The following SP1 variants were observed in gnomAD, a reference collection of about 807,000 sequenced individuals.
SP1 encodes the protein Sp1 transcription factor, also known as transcription factor Sp1.
SP1 carries 6 observed loss-of-function variants against 66.3 expected under a neutral mutation model. The ratio of observed to expected loss-of-function variants is 0.09; its 90% confidence interval spans 0.05 to 0.18. The LOEUF is 0.18. Among genes scored for constraint, SP1 ranks in the 10% least tolerant of loss-of-function variants. SP1 has a pLI of 1.00. For missense variants in SP1, 848 were observed against 964.5 expected (o/e 0.88, Z 1.60); for synonymous variants, 417 against 360.8 (o/e 1.16, Z -1.77).
intron 3 of SP1, among the ~76,000 whole-genome samples, chr12:53,395,830 A>C (rs1254882484): frequency 6.6e-6 from 1 of 150,998 alleles, no homozygotes; most frequent in Non-Finnish European, 1.5e-5. Flanking sequence ...AAAAAAAATT[A>C]ACTGGGCGTA....
rs1428503862 is a variant in SP1 at position 53,383,261 on chromosome 12, C to T, written c.1314C>T (p.Leu438=). Residue 438 remains leucine, a synonymous_variant, in exon 3 of 6, where the codon CTC becomes CTT. Coordinates refer to ENST00000327443, the MANE Select transcript of SP1 (RefSeq NM_138473.3). ...TCTCCCAGGAAACCCTCCAGAACCT[C>T]CAGCTTCAGGCTGTTCCAAACTCTG... The part of the protein sequence containing the change: ...QAISQETLQN[L]QLQAVPNSGP... 6.2e-7 allele frequency: 1 copy of T among 1,614,110 alleles called. No individual in the cohort carries two copies. Among genetic ancestry groups the T allele is most frequent in the African/African-American group, 1.3e-5 (1 of 74,928 alleles).
chr12:53,381,818 G>T lies in SP1; in HGVS notation c.162+5G>T. ...AGCACTGGAGGAGGAGGGCAGGTAAGTGATAATCATAGAGTGGGGAAGGTG... is the reference window on the plus strand; with the variant it reads ...AGCACTGGAGGAGGAGGGCAGGTAATTGATAATCATAGAGTGGGGAAGGTG... On this transcript the variant is annotated splice_donor_5th_base_variant and intron_variant, in intron 2 of 5. Transcript: ENST00000327443. 6.2e-7 allele frequency: 1 copy of T among 1,610,626 alleles called. No individual in the cohort carries two copies. The highest frequency in any genetic ancestry group is 1.1e-5 in the South Asian group (1 of 90,490).
intron 3 of SP1, among the ~76,000 whole-genome samples, chr12:53,386,860 A>T (rs1938240618): frequency 6.6e-6 from 1 of 151,738 alleles, no homozygotes; most frequent in South Asian, 2.1e-4. Context: ...ATACACATAC[A>T]TCTTTATATG....
At chr12:53,400,347 CTT>C (rs1037805877) in intron 3 of SP1, among the ~76,000 whole-genome samples, 2 of 151,922 alleles carry the variant, frequency 1.3e-5, no homozygotes, top group African/African-American at 4.8e-5. Context: ...TGTTAGTACT[CTT>C]TTTTTTATTG....
chr12:53,389,844 C>A (rs2136897683), intron 3 of SP1, among the ~76,000 whole-genome samples: 1 of 152,138 alleles, frequency 6.6e-6, no homozygotes, highest in Non-Finnish European at 1.5e-5. Context: ...ATAAAGAGTG[C>A]AGGGCTGGGC....
In SP1 at chr12:53,409,566, G is replaced by A. The variant is rs376744437; in HGVS notation, c.2044+5G>A. On this transcript the variant is annotated splice_donor_5th_base_variant and intron_variant, in intron 5 of 5. Coordinates refer to ENST00000327443, the MANE Select transcript of SP1 (RefSeq NM_138473.3). ...GGCACAAACGTACACACACAGGTGA[G>A]CAAGAGCCTATGGGAGAGAAAAATA... 8 of 1,612,240 alleles carry A rather than the reference G, an allele frequency of 5.0e-6. No individual in the cohort carries two copies. The highest frequency in any genetic ancestry group is 1.3e-5 in the African/African-American group (1 of 74,900).
chr12:53,409,351 C>T lies in SP1; in HGVS notation c.1845-11C>T. 1.2e-6 allele frequency: 2 copies of T among 1,610,962 alleles called. No individual in the cohort carries two copies. The highest frequency in any genetic ancestry group is 1.1e-5 in the South Asian group (1 of 90,782). On this transcript the variant is annotated splice_polypyrimidine_tract_variant and intron_variant, in intron 4 of 5. Transcript: ENST00000327443. ...AGAATGAATGATTAACAGTTGTGTC[C>T]TCACTTTCAGGGGCTCGGGGGATCC... is the stretch of plus-strand genomic sequence containing the variant.
At chr12:53,385,261 TC>T (rs1464923937) in intron 3 of SP1, among the ~76,000 whole-genome samples, 2 of 150,010 alleles carry the variant, frequency 1.3e-5, no homozygotes, top group Non-Finnish European at 2.9e-5. Flanking sequence ...ATCACTGCAC[TC>T]CAGCCTGGTT....
At chr12:53,396,179 G>A (rs1196938476) in intron 3 of SP1, among the ~76,000 whole-genome samples, 2 of 151,630 alleles carry the variant, frequency 1.3e-5, no homozygotes, top group African/African-American at 4.8e-5. Context: ...TACTCAGGAC[G>A]CTGAGGCAGG....
chr12:53,385,985 G>A (rs1019611561), intron 3 of SP1, among the ~76,000 whole-genome samples: 9 of 151,910 alleles, frequency 5.9e-5, no homozygotes, highest in African/African-American at 1.9e-4. Flanking sequence ...GATATTTCTT[G>A]TGAACTGTAA....
Position 53,383,346 on chromosome 12 carries a change from C to T in SP1, c.1399C>T (p.Leu467=). Residue 467 remains leucine (L), a synonymous_variant, in exon 3 of 6, where the codon CTA becomes TTA. Coordinates refer to ENST00000327443, the MANE Select transcript of SP1 (RefSeq NM_138473.3). ...CAATGGACAGGTCAGTTGGCAGACTCTACAGCTGCAGAACCTCCAAGTTCA... is the reference window on the plus strand; with the variant it reads ...CAATGGACAGGTCAGTTGGCAGACTTTACAGCTGCAGAACCTCCAAGTTCA... ...GPNGQVSWQT[L]QLQNLQVQNP... 6.2e-7 allele frequency: 1 copy of T among 1,614,246 alleles called. No individual in the cohort carries two copies. Among genetic ancestry groups the T allele is most frequent in the Non-Finnish European group, 8.5e-7 (1 of 1,180,048 alleles).
In SP1 at chr12:53,415,586, G is replaced by C. The variant is rs1448747312; in HGVS notation, c.*4346G>C. 1.3e-5 allele frequency: 2 copies of C among 150,734 alleles called. No homozygotes were observed. Among genetic ancestry groups the C allele is most frequent in the East Asian group, 3.9e-4 (2 of 5,122 alleles). 9.3% of individuals were successfully genotyped at this position (150,734 alleles called of 1,614,324 possible). A position where few individuals can be genotyped will look rare whatever the true frequency, so the allele number is the denominator to read the frequency against. On this transcript the variant is annotated 3_prime_UTR_variant, in exon 6 of 6. Transcript: ENST00000327443. ...CTTCCTTGTCTCTGCTAAGAAAGTA[G>C]AGGCATGATGATCTGCCTCTCAACT...
At position 53,382,412 on chromosome 12, in the gene SP1, A is replaced by G; in HGVS notation, c.465A>G (p.Leu155=). The change falls in exon 3 of 6, where the codon TTA becomes TTG. Residue 155 remains leucine (L), a synonymous_variant. Coordinates refer to ENST00000327443, the MANE Select transcript of SP1 (RefSeq NM_138473.3). ...ATGTTGTGGCTGCCGCTCCCAACTT[A>G]CAGAACCAGCAAGTTCTGACAGGAC... ...GQYVVAAAPN[L]QNQQVLTGLP... The G allele has an allele frequency of 6.2e-7, 1 of 1,614,190 alleles. No individual in the cohort carries two copies. Among genetic ancestry groups the G allele is most frequent in the Non-Finnish European group, 8.5e-7 (1 of 1,180,030 alleles).
chr12:53,392,714 C>T (rs1356887798), intron 3 of SP1, among the ~76,000 whole-genome samples: 2 of 151,650 alleles, frequency 1.3e-5, no homozygotes, highest in South Asian at 2.1e-4. Context: ...AGGCTGGTCT[C>T]GAACTCCTGA....
intron 3 of SP1, among the ~76,000 whole-genome samples, chr12:53,399,514 G>T (rs1938561877): frequency 6.6e-6 from 1 of 152,094 alleles, no homozygotes; most frequent in South Asian, 2.1e-4. Flanking sequence ...TGTATTTTTA[G>T]TAGAGACCGG....
At position 53,409,367 on chromosome 12, in the gene SP1, C is replaced by T. The variant is rs144134358; in HGVS notation, c.1850C>T (p.Ser617Leu). 211 of 1,613,134 alleles carry T rather than the reference C, an allele frequency of 1.3e-4. No individual in the cohort carries two copies. The highest frequency in any genetic ancestry group is 1.0e-3 in the East Asian group (45 of 44,872). ...AGTTGTGTCCTCACTTTCAGGGGCT[C>T]GGGGGATCCTGGCAAAAAGAAACAG... Reference protein sequence around the residue: ...PYCKDSEGRGSGDPGKKKQHI... With the variant: ...PYCKDSEGRGLGDPGKKKQHI... The change falls in exon 5 of 6, where the codon TCG becomes TTG. Residue 617 changes from serine to leucine, a missense_variant. Around this residue, in one of 7 missense-constraint regions of SP1, gnomAD observed 18 missense variants for 19.0 expected, o/e 0.95. Coordinates refer to ENST00000327443, the MANE Select transcript of SP1 (RefSeq NM_138473.3).
chr12:53,391,531 G>C (rs1466612945), intron 3 of SP1, among the ~76,000 whole-genome samples: 2 of 151,846 alleles, frequency 1.3e-5, no homozygotes, highest in Non-Finnish European at 1.5e-5. Context: ...CCCCATGTTG[G>C]CAAGGATGGT....
At chr12:53,400,022 C>T (rs1241199766) in intron 3 of SP1, among the ~76,000 whole-genome samples, 1 of 152,186 alleles carries the variant, frequency 6.6e-6, no homozygotes, top group Non-Finnish European at 1.5e-5. Context: ...CTGGGCCTCC[C>T]AAAGTGCTTG....
intron 5 of SP1, among the ~76,000 whole-genome samples, chr12:53,410,486 GGAAAATATACTT>G (rs1469780875): frequency 2.0e-5 from 3 of 151,852 alleles, no homozygotes; most frequent in Admixed American, 2.0e-4. Context: ...CCCGCCAAAA[GGAAAATATACTT>G]GAAGTTTTTT....
Sources: gnomAD v4.1 joint callset for allele counts (sites outside exome capture counted in the v4.1 genomes callset) on GRCh38, gnomAD v4.1.1 for gene constraint, gnomAD v4.1.1 regional missense constraint, MANE v1.5 for transcripts, NCBI Gene and HGNC (gene_info 2026-07-23, HGNC 2026-07-21) for gene names.